UBA6: variants seen among roughly 807,000 people sequenced by gnomAD.
UBA6 encodes ubiquitin-like modifier-activating enzyme 6.
Under a neutral mutation model 148.3 loss-of-function variants are expected in UBA6, and 87 were observed. The ratio of observed to expected loss-of-function variants is 0.59; its 90% confidence interval spans 0.49 to 0.70. The LOEUF (loss-of-function observed/expected upper bound fraction) is 0.70, where lower values mean the gene tolerates loss of function less well. UBA6 is among the 30% of genes least tolerant of loss of function. UBA6 has a pLI of 0.00. For missense variants in UBA6, 1,186 were observed against 1,241.2 expected, an observed-to-expected ratio of 0.96 and a Z score of 0.67; for synonymous variants, 376 against 401.0, an observed-to-expected ratio of 0.94 and a Z score of 0.75.
rs752482348 is a variant in UBA6, at chr4:67,670,590, A to C, written c.549T>G (p.Phe183Leu). The change falls in exon 8 of 33, where the codon TTT becomes TTG. Residue 183 changes from phenylalanine to leucine, a missense_variant and splice_region_variant. Coordinates refer to ENST00000322244, the MANE Select transcript of UBA6 (RefSeq NM_018227.6). ...AAATTCCATGTACATCTGCACTGAT[A>C]AACTGTAAAATGGCAAAAACAAGTT... The part of the protein sequence containing the change: ...FCRSQCPPIK[F>L]ISADVHGIWS... The C allele has an allele frequency of 4.4e-6, 7 of 1,605,404 alleles. No homozygotes were observed. In the African/African-American group the frequency reaches 9.4e-5, roughly 22 times the overall value.
rs773099473 is a variant in UBA6 at position 67,629,083 on chromosome 4, C to T, written c.2388G>A (p.Lys796=). The T allele has an allele frequency of 1.7e-5, 27 of 1,608,342 alleles. No individual in the cohort carries two copies. The East Asian group carries it at 6.0e-4, about 36-fold the overall frequency. The change falls in exon 27 of 33, where the codon AAG becomes AAA. Residue 796 remains lysine (K), a synonymous_variant. Coordinates refer to ENST00000322244, the MANE Select transcript of UBA6 (RefSeq NM_018227.6). The stretch of plus-strand genomic sequence containing the variant: ...TTTTTAAACATACCTTATTGGAAGG[C>T]TTGAATTCCTGAATCTTTACTTCTG... ...ILSEVKIQEF[K]PSNKVVQTDE...
At chr4:67,619,163 G>A (rs768480260) in intron 32 of UBA6, 31 bp from the exon 33 acceptor site, 2 of 1,537,296 alleles carry the variant, frequency 1.3e-6, no homozygotes, top group African/African-American at 1.4e-5. Flanking sequence ...TGAATACTTT[G>A]GTAAATTCTA....
chr4:67,688,484 G>C (rs1730621686), intron 2 of UBA6, among the ~76,000 whole-genome samples: 1 of 152,042 alleles, frequency 6.6e-6, no homozygotes, highest in Non-Finnish European at 1.5e-5. Context: ...ACCCCTCTGA[G>C]AGAGACAGAA....
intron 10 of UBA6, among the ~76,000 whole-genome samples, chr4:67,664,776 A>C (rs1217306262): frequency 6.6e-6 from 1 of 152,130 alleles, no homozygotes; most frequent in Non-Finnish European, 1.5e-5. Flanking sequence ...GTATAATTTG[A>C]ATATCTTCAT....
rs1403695308 is a variant in UBA6 at position 67,631,777 on chromosome 4, A to G, written c.2195-6T>C. 1.9e-6 allele frequency: 3 copies of G among 1,611,530 alleles called. No individual in the cohort carries two copies. The highest frequency in any genetic ancestry group is 1.7e-6 in the Non-Finnish European group (2 of 1,178,822). On this transcript the variant is annotated splice_region_variant and splice_polypyrimidine_tract_variant and intron_variant, in intron 24 of 32. Transcript: ENST00000322244. ...TGGTGACTGCCAAAATAAACCTGGC[A>G]AAAAGATACAAATATCATTTTCAAT... is the stretch of plus-strand genomic sequence containing the variant.
At chr4:67,627,683 CCTA>C (rs1456230627) in intron 27 of UBA6, among the ~76,000 whole-genome samples, 1 of 151,502 alleles carries the variant, frequency 6.6e-6, no homozygotes, top group Non-Finnish European at 1.5e-5. Flanking sequence ...AATCAACTGC[CCTA>C]CAAGTCTTTT....
chr4:67,664,155 A>C (rs1279659405), intron 10 of UBA6, among the ~76,000 whole-genome samples: 1 of 152,244 alleles, frequency 6.6e-6, no homozygotes, highest in Non-Finnish European at 1.5e-5. Flanking sequence ...GCAATAAAAC[A>C]ACCTGCTCTA....
chr4:67,668,783 G>A (rs1035211251), intron 8 of UBA6, 109 bp from the exon 9 acceptor site: 19 of 1,008,054 alleles, frequency 1.9e-5, no homozygotes, highest in African/African-American at 4.9e-5. Flanking sequence ...TCTCAAAACC[G>A]AAATTCTAAG....
chr4:67,644,823 C>A, intron 16 of UBA6, 45 bp from the exon 17 acceptor site: 1 of 935,330 alleles, frequency 1.1e-6, no homozygotes, highest in Non-Finnish European at 1.7e-6. Flanking sequence ...AATAACCTAT[C>A]TGTGAATCAT....
At position 67,626,082 on chromosome 4, in the gene UBA6, C is replaced by T. The variant is rs116171664; in HGVS notation, c.2518+278G>A. On this transcript the variant is annotated intron_variant, in intron 28 of 32. Transcript: ENST00000322244. ...TCATTCATGGTTTTAGACCTGCTCACCATCTAAAGAACTAAAACAATCAGA... is the reference window on the plus strand; with the variant it reads ...TCATTCATGGTTTTAGACCTGCTCATCATCTAAAGAACTAAAACAATCAGA... 5.4e-3 allele frequency among the ~76,000 whole-genome samples: 823 copies of T among 151,966 alleles called. 11 individuals carry two copies. Among genetic ancestry groups the T allele is most frequent in the African/African-American group, 0.019 (791 of 41,514 alleles).
intron 32 of UBA6, among the ~76,000 whole-genome samples, 171 bp downstream of exon 32, chr4:67,622,660 G>A (rs754384632): frequency 3.9e-5 from 6 of 152,158 alleles, no homozygotes; most frequent in Admixed American, 1.3e-4. Flanking sequence ...TGAATCTCTC[G>A]AGAGGTAGCC....
chr4:67,700,550 C>T (rs1208309608), intron 1 of UBA6, among the ~76,000 whole-genome samples: 1 of 151,082 alleles, frequency 6.6e-6, no homozygotes, highest in Non-Finnish European at 1.5e-5. Context: ...TTCCTTCTTC[C>T]GAAGTCAACA....
chr4:67,698,990 A>T (rs1383685838), intron 1 of UBA6, among the ~76,000 whole-genome samples: 1 of 152,072 alleles, frequency 6.6e-6, no homozygotes, highest in East Asian at 1.9e-4. Flanking sequence ...AAACAAAAAA[A>T]CCCTGTTAAA....
At chr4:67,664,426 T>C (rs1385394927) in intron 10 of UBA6, among the ~76,000 whole-genome samples, 7 of 151,948 alleles carry the variant, frequency 4.6e-5, no homozygotes, top group Non-Finnish European at 1.0e-4. Context: ...TGACTAGATA[T>C]AGTATTTTAA....
At chr4:67,662,963 C>A in intron 12 of UBA6, 176 bp downstream of exon 12, 5 of 429,096 alleles carry the variant, frequency 1.2e-5, no homozygotes, top group South Asian at 7.7e-5. Context: ...TTTTATAAAC[C>A]AAATTTCTCC....
intron 30 of UBA6, among the ~76,000 whole-genome samples, chr4:67,623,523 T>C (rs762613077): frequency 3.9e-5 from 6 of 152,194 alleles, no homozygotes. Context: ...ACTGTGTGGA[T>C]GTTCCAGTAC....
At position 67,616,350 on chromosome 4, in the gene UBA6, T is replaced by A. The variant is rs1053104006; in HGVS notation, c.*2647A>T. 80 of 368,284 alleles carry A rather than the reference T, an allele frequency of 2.2e-4. No individual in the cohort carries two copies. Among genetic ancestry groups the A allele is most frequent in the Non-Finnish European group, 3.6e-4 (75 of 207,368 alleles). 22.8% of individuals were successfully genotyped at this position (368,284 alleles called of 1,614,324 possible). ...AAAATTTCAAAAGAACAATTTTCTA[T>A]CTTCATTTTACTAATTATAAAATAA... On this transcript the variant is annotated 3_prime_UTR_variant, in exon 33 of 33. Transcript: ENST00000322244.
chr4:67,670,775 G>A (rs559379149), intron 7 of UBA6, among the ~76,000 whole-genome samples, 183 bp from the exon 8 acceptor site: 10 of 152,246 alleles, frequency 6.6e-5, no homozygotes, highest in African/African-American at 2.2e-4. Flanking sequence ...AAGATTTTCA[G>A]TACTTTTAGT....
At chr4:67,696,030 CAT>C (rs1560504996) in intron 2 of UBA6, among the ~76,000 whole-genome samples, 1 of 152,112 alleles carries the variant, frequency 6.6e-6, no homozygotes, top group Non-Finnish European at 1.5e-5. Context: ...CCTGAAAAAG[CAT>C]AGTTTTAAAA....
Sources: allele counts gnomAD v4.1 joint callset (sites outside exome capture counted in the v4.1 genomes callset), GRCh38; gene constraint gnomAD v4.1.1; transcripts MANE v1.5; gene names NCBI Gene and HGNC (gene_info 2026-07-23, HGNC 2026-07-21).